The following ARHGEF12 variants were observed in gnomAD, a reference collection of about 807,000 sequenced individuals.
ARHGEF12 encodes KMT2A/ARHGEF12 fusion protein.
ARHGEF12 carries 66 observed loss-of-function variants against 211.2 expected under a neutral mutation model. The observed-to-expected ratio is 0.31, with a 90% confidence interval of 0.26 to 0.38. The LOEUF is 0.38. ARHGEF12 is among the 10% of genes least tolerant of loss of function. ARHGEF12 has a pLI of 1.00. For synonymous variants in ARHGEF12, 592 were observed against 638.4 expected, an observed-to-expected ratio of 0.93 and a Z score of 1.09; for missense variants, 1,429 against 1,869.5, an observed-to-expected ratio of 0.76 and a Z score of 4.34.
intron 1 of ARHGEF12, among the ~76,000 whole-genome samples, chr11:120,355,372 C>T (rs1436072011): frequency 2.0e-5 from 3 of 152,056 alleles, no homozygotes; most frequent in African/African-American, 7.2e-5. Context: ...CCATGAACAC[C>T]AGCTTCTACA....
chr11:120,421,212 C>T (rs1418756220), intron 5 of ARHGEF12, among the ~76,000 whole-genome samples: 1 of 152,108 alleles, frequency 6.6e-6, no homozygotes, highest in African/African-American at 2.4e-5. Context: ...CATTTATTTT[C>T]CCAAAACAAC....
chr11:120,350,324 G>T (rs1485181707), intron 1 of ARHGEF12, among the ~76,000 whole-genome samples: 1 of 152,108 alleles, frequency 6.6e-6, no homozygotes, highest in African/African-American at 2.4e-5. Context: ...GACCATCCTG[G>T]CTAACACGGT....
At chr11:120,421,728 A>T (rs991124928) in intron 5 of ARHGEF12, 75 bp from the exon 6 acceptor site, 1 of 1,397,354 alleles carries the variant, frequency 7.2e-7, no homozygotes, top group East Asian at 2.3e-5. Context: ...CCAGTTTGTT[A>T]TACTGTCTCT....
rs774457237 is a variant in ARHGEF12, at chr11:120,451,596, C to T, written c.1928C>T (p.Ser643Phe). Reference sequence around the variant, plus strand: ...TCTGTGAGTCCTGAACCTCAGGACTCTGCCAAGTTGCGCCAGAGTGGGTTA... The same window carrying T: ...TCTGTGAGTCCTGAACCTCAGGACTTTGCCAAGTTGCGCCAGAGTGGGTTA... ...PSSVSPEPQDSAKLRQSGLAN... is the reference protein window; with the variant it reads ...PSSVSPEPQDFAKLRQSGLAN... Residue 643 changes from serine (S) to phenylalanine (F), a missense_variant, in exon 22 of 41, where the codon TCT becomes TTT. Ser to Phe is a radical substitution (Grantham distance 155). Around this residue, in one of 7 missense-constraint regions of ARHGEF12, gnomAD observed 373 missense variants for 467.5 expected, o/e 0.80. Coordinates refer to ENST00000397843, the MANE Select transcript of ARHGEF12 (RefSeq NM_015313.3). The T allele has an allele frequency of 2.5e-6, 4 of 1,614,190 alleles. No individual in the cohort carries two copies. Among genetic ancestry groups the T allele is most frequent in the Non-Finnish European group, 3.4e-6 (4 of 1,180,040 alleles).
chr11:120,414,571 C>G (rs1247460950), intron 4 of ARHGEF12, among the ~76,000 whole-genome samples: 1 of 152,028 alleles, frequency 6.6e-6, no homozygotes, highest in Non-Finnish European at 1.5e-5. Context: ...TGTTCACAGT[C>G]TGGTACAAAA....
At chr11:120,471,569 A>G (rs958595812) in intron 30 of ARHGEF12, among the ~76,000 whole-genome samples, 14 of 152,218 alleles carry the variant, frequency 9.2e-5, no homozygotes, top group African/African-American at 3.1e-4. Flanking sequence ...GTCAAAATTC[A>G]TGGAACATAC....
At position 120,336,923 on chromosome 11, in the gene ARHGEF12, C is replaced by T. The variant is rs1591469526; in HGVS notation, c.-321C>T. On this transcript the variant is annotated 5_prime_UTR_variant, in exon 1 of 41. Transcript: ENST00000397843. ...CCAGCCCCGGCGGGAGTCCCGGGTC[C>T]CCTTCCCACTGCGCGCGGATTTCCC... The T allele has an allele frequency of 4.6e-6, 2 of 439,294 alleles. No homozygotes were observed. Among genetic ancestry groups the T allele is most frequent in the South Asian group, 6.0e-5 (1 of 16,730 alleles). The allele number at this position is 439,294 out of a possible 1,614,324, so 27.2% of individuals were successfully genotyped here. A position where few individuals can be genotyped will look rare whatever the true frequency, so the allele number is the denominator to read the frequency against.
At chr11:120,484,961 T>A in intron 40 of ARHGEF12, 106 bp from the exon 41 acceptor site, 1 of 1,219,970 alleles carries the variant, frequency 8.2e-7, no homozygotes, top group Non-Finnish European at 1.2e-6. Flanking sequence ...ACATACTGAT[T>A]CAGAAACAAA....
chr11:120,487,611 T>C lies in ARHGEF12; in HGVS notation c.*2534T>C. The C allele has an allele frequency of 4.7e-6, 1 of 212,762 alleles. No homozygotes were observed. Among genetic ancestry groups the C allele is most frequent in the Non-Finnish European group, 9.5e-6 (1 of 105,124 alleles). The allele number at this position is 212,762 out of a possible 1,614,324, so 13.2% of individuals were successfully genotyped here. On this transcript the variant is annotated 3_prime_UTR_variant, in exon 41 of 41. Transcript: ENST00000397843. ...CACCATCAGAGGAGTTTTTTCTAAGTGACGTGACTAGAAGTTGAAATCTAC... is the reference window on the plus strand; with the variant it reads ...CACCATCAGAGGAGTTTTTTCTAAGCGACGTGACTAGAAGTTGAAATCTAC...
intron 1 of ARHGEF12, among the ~76,000 whole-genome samples, chr11:120,366,685 C>G (rs969955477): frequency 1.2e-4 from 18 of 152,260 alleles, no homozygotes; most frequent in Non-Finnish European, 2.5e-4. Context: ...CTTCTCCACT[C>G]CAAGATCACA....
chr11:120,434,500 T>C (rs1210575972), intron 11 of ARHGEF12, among the ~76,000 whole-genome samples: 1 of 152,238 alleles, frequency 6.6e-6, no homozygotes, highest in Non-Finnish European at 1.5e-5. Context: ...TTTCCATGTT[T>C]GTTTCAATTT....
At chr11:120,351,438 TATATATATATATATA>T (rs1942954717) in intron 1 of ARHGEF12, among the ~76,000 whole-genome samples, 3 of 3,694 alleles carry the variant, frequency 8.1e-4, no homozygotes, top group African/African-American at 5.1e-3. Flanking sequence ...TATATATATA[TATATATATATATATA>T]TATTTTTTTT....
intron 30 of ARHGEF12, among the ~76,000 whole-genome samples, chr11:120,470,682 C>G (rs2030431134): frequency 1.3e-5 from 2 of 152,198 alleles, no homozygotes; most frequent in Admixed American, 1.3e-4. Context: ...GTACTTTCAG[C>G]TGTGCTGTTC....
rs1272014370 is a variant in ARHGEF12, at chr11:120,367,367, T to TC, written c.32+30092_32+30093insC. 5.0e-3 allele frequency among the ~76,000 whole-genome samples: 605 copies of TC among 121,762 alleles called. 11 individuals carry two copies. Among genetic ancestry groups the TC allele is most frequent in the African/African-American group, 0.019 (586 of 30,060 alleles). 79.9% of individuals were successfully genotyped at this position (121,762 alleles called of 152,430 possible). ...GATACTTTTTCCTTTTTTTTTTTTT[T>TC]TTTTTTTTTTTTTTTTGAGGTGGAG... On this transcript the variant is annotated intron_variant, in intron 1 of 40. Transcript: ENST00000397843.
At chr11:120,445,594 T>C (rs1055681499) in intron 16 of ARHGEF12, 130 bp downstream of exon 16, 2 of 974,586 alleles carry the variant, frequency 2.1e-6, no homozygotes, top group African/African-American at 3.2e-5. Context: ...AGACAGTCTA[T>C]AATACATTTA....
intron 39 of ARHGEF12, among the ~76,000 whole-genome samples, chr11:120,483,439 T>TA (rs899356461): frequency 2.0e-5 from 3 of 149,860 alleles, no homozygotes; most frequent in African/African-American, 7.4e-5. Flanking sequence ...TTTTTTTTTT[T>TA]TTTAAATGGA....
chr11:120,395,351 C>A (rs1446263776), intron 1 of ARHGEF12, among the ~76,000 whole-genome samples: 1 of 152,048 alleles, frequency 6.6e-6, no homozygotes, highest in East Asian at 1.9e-4. Context: ...ATGGTGGTAA[C>A]TATGTTTCTC....
intron 1 of ARHGEF12, among the ~76,000 whole-genome samples, chr11:120,343,716 CAAGTAACAATTCATGCAGAA>C (rs1247757078): frequency 5.3e-5 from 8 of 152,084 alleles, no homozygotes; most frequent in Admixed American, 3.9e-4. Flanking sequence ...TCTTGGACTG[CAAGTAACAATTCATGCAGAA>C]ATTGGAACTA....
At chr11:120,420,052 A>G (rs1945138435) in intron 4 of ARHGEF12, among the ~76,000 whole-genome samples, 1 of 144,004 alleles carries the variant, frequency 6.9e-6, no homozygotes, top group South Asian at 2.1e-4. Context: ...TTTAGAAGAA[A>G]CACAAATTCT....
Sources: gnomAD v4.1 joint callset for allele counts (sites outside exome capture counted in the v4.1 genomes callset) on GRCh38, gnomAD v4.1.1 for gene constraint, gnomAD v4.1.1 regional missense constraint, MANE v1.5 for transcripts, NCBI Gene and HGNC (gene_info 2026-07-23, HGNC 2026-07-21) for gene names.